PLCB1: variants seen among roughly 807,000 people sequenced by gnomAD.
The protein encoded by PLCB1 is phospholipase C beta 1.
Under a neutral mutation model 161.8 loss-of-function variants are expected in PLCB1, and 46 were observed. That is an observed-to-expected ratio of 0.28 (90% CI 0.22 to 0.36). PLCB1 has a LOEUF of 0.36. Ranked by LOEUF, PLCB1 falls within the 10% of genes least tolerant of loss-of-function variation. The probability of loss-of-function intolerance (pLI) is 1.00; values close to 1 mark genes in which losing one functional copy is unlikely to be tolerated. For synonymous variants in PLCB1, 517 were observed against 503.7 expected (o/e 1.03, Z -0.35); for missense variants, 1,016 against 1,472.5 (o/e 0.69, Z 5.07).
intron 2 of PLCB1, among the ~76,000 whole-genome samples, chr20:8,243,557 A>G (rs1048846212): frequency 6.6e-6 from 1 of 151,958 alleles, no homozygotes; most frequent in African/African-American, 2.4e-5. Flanking sequence ...TCCAATGGAT[A>G]TAAATAGAAC....
At chr20:8,501,397 T>C (rs1418097981) in intron 3 of PLCB1, among the ~76,000 whole-genome samples, 1 of 152,228 alleles carries the variant, frequency 6.6e-6, no homozygotes, top group African/African-American at 2.4e-5. Context: ...TGTGTGCTTG[T>C]TGAAGAAACA....
chr20:8,689,060 T>C (rs1990417150), intron 10 of PLCB1, among the ~76,000 whole-genome samples: 1 of 147,512 alleles, frequency 6.8e-6, no homozygotes, highest in South Asian at 2.2e-4. Context: ...GCCTTTTGAC[T>C]CCTTTTTTAG....
chr20:8,575,653 C>T (rs1394314905), intron 3 of PLCB1, among the ~76,000 whole-genome samples: 23 of 152,310 alleles, frequency 1.5e-4, no homozygotes, highest in Admixed American at 1.4e-3. Flanking sequence ...CTCACCTCAC[C>T]GAAGAGTGCT....
intron 11 of PLCB1, among the ~76,000 whole-genome samples, chr20:8,701,639 G>T (rs1449088086): frequency 6.6e-6 from 1 of 152,092 alleles, no homozygotes; most frequent in Non-Finnish European, 1.5e-5. Context: ...TAACGCATAA[G>T]CTCCACAAAG....
intron 4 of PLCB1, among the ~76,000 whole-genome samples, chr20:8,644,575 G>A (rs1408838947): frequency 6.6e-6 from 1 of 151,718 alleles, no homozygotes; most frequent in Non-Finnish European, 1.5e-5. Flanking sequence ...CCCCGTCTGA[G>A]AAGTGAGGAG....
intron 18 of PLCB1, among the ~76,000 whole-genome samples, chr20:8,730,112 G>A (rs1000771347): frequency 3.3e-5 from 5 of 151,936 alleles, no homozygotes; most frequent in Middle Eastern, 3.4e-3. Context: ...TTATTTAAAG[G>A]GTATATTGTC....
chr20:8,282,248 T>C lies in PLCB1; in HGVS notation c.178-89134T>C, dbSNP rs146955818. ...TTAGTTTTTAATAAAAACAAGAGAA[T>C]CACAAAGATGAAACAGAAGCAATCC... is the stretch of plus-strand genomic sequence containing the variant. On this transcript the variant is annotated intron_variant, in intron 2 of 31. Transcript: ENST00000338037. Among the ~76,000 whole-genome samples, 141 of 152,252 alleles carry C rather than the reference T, an allele frequency of 9.3e-4. 1 individual carries two copies. The highest frequency in any genetic ancestry group is 3.2e-3 in the African/African-American group (134 of 41,576).
chr20:8,732,052 T>C (rs551539148), intron 18 of PLCB1: 1 of 152,214 alleles, frequency 6.6e-6, no homozygotes, highest in Admixed American at 6.5e-5. Flanking sequence ...ATATGTATTC[T>C]TTCACTCTAT....
At chr20:8,278,610 G>A (rs1982713772) in intron 2 of PLCB1, among the ~76,000 whole-genome samples, 1 of 151,898 alleles carries the variant, frequency 6.6e-6, no homozygotes, top group African/African-American at 2.4e-5. Flanking sequence ...TCAACATCAT[G>A]AATAATAATG....
intron 12 of PLCB1, among the ~76,000 whole-genome samples, chr20:8,711,274 C>G (rs1979000962): frequency 6.6e-6 from 1 of 152,224 alleles, no homozygotes; most frequent in African/African-American, 2.4e-5. Flanking sequence ...ACGAGAGCAT[C>G]CACCAGGCAA....
At chr20:8,557,524 CA>C (rs1259450767) in intron 3 of PLCB1, among the ~76,000 whole-genome samples, 1 of 151,878 alleles carries the variant, frequency 6.6e-6, no homozygotes, top group Admixed American at 6.6e-5. Context: ...TGGCAGTTGC[CA>C]GGGGATCATC....
chr20:8,577,090 A>G (rs545779704), intron 3 of PLCB1, among the ~76,000 whole-genome samples: 2 of 151,658 alleles, frequency 1.3e-5, no homozygotes, highest in African/African-American at 2.4e-5. Context: ...AAAACCAACA[A>G]TCAAGTCATG....
At chr20:8,820,861 A>T (rs1164510232) in intron 31 of PLCB1, among the ~76,000 whole-genome samples, 3 of 152,204 alleles carry the variant, frequency 2.0e-5, no homozygotes, top group Admixed American at 2.0e-4. Context: ...ATATTTAGTT[A>T]AAAAAACAAG....
chr20:8,227,196 A>T (rs1453755991), intron 2 of PLCB1, among the ~76,000 whole-genome samples: 1 of 152,144 alleles, frequency 6.6e-6, no homozygotes, highest in Non-Finnish European at 1.5e-5. Flanking sequence ...ACATTGCAGG[A>T]CTAGAGGCTA....
chr20:8,329,319 A>ATTTTTTT (rs1568634024), intron 2 of PLCB1, among the ~76,000 whole-genome samples: 2 of 141,306 alleles, frequency 1.4e-5, no homozygotes. Flanking sequence ...TAAAATAAAT[A>ATTTTTTT]CTTTTTTTTT....
chr20:8,281,120 A>G (rs1340238837), intron 2 of PLCB1, among the ~76,000 whole-genome samples: 5 of 152,240 alleles, frequency 3.3e-5, no homozygotes, highest in Non-Finnish European at 7.3e-5. Context: ...TGCAAATTAA[A>G]TAAGTATTGG....
At chr20:8,300,635 C>G (rs1039188328) in intron 2 of PLCB1, among the ~76,000 whole-genome samples, 1 of 152,120 alleles carries the variant, frequency 6.6e-6, no homozygotes, top group Non-Finnish European at 1.5e-5. Context: ...TGGTGTGCTG[C>G]ACCCATTAAC....
intron 3 of PLCB1, among the ~76,000 whole-genome samples, chr20:8,391,763 G>GTATATATA (rs146859336): frequency 8.2e-6 from 1 of 122,510 alleles, no homozygotes; most frequent in Non-Finnish European, 1.7e-5. Flanking sequence ...AAATAATGAA[G>GTATATATA]TATATATATA....
chr20:8,523,398 A>ATGTGTGTGTGTG (rs34787623), intron 3 of PLCB1, among the ~76,000 whole-genome samples: 1 of 122,524 alleles, frequency 8.2e-6, no homozygotes, highest in African/African-American at 3.3e-5. Context: ...CATAACAAAT[A>ATGTGTGTGTGTG]TGTGTGTGTG....
Sources: allele counts gnomAD v4.1 joint callset (sites outside exome capture counted in the v4.1 genomes callset), GRCh38; gene constraint gnomAD v4.1.1; transcripts MANE v1.5; gene names NCBI Gene and HGNC (gene_info 2026-07-23, HGNC 2026-07-21).